Variants in ABCA12 observed in about 807,000 individuals in gnomAD.
ABCA12 encodes the protein ATP binding cassette subfamily A member 12, also known as glucosylceramide transporter ABCA12.
Under a neutral mutation model 293.5 loss-of-function variants are expected in ABCA12, and 156 were observed. The observed-to-expected ratio is 0.53, with a 90% CI of 0.47 to 0.61. The LOEUF is 0.61. ABCA12 is among the 20% of genes least tolerant of loss of function. The probability of loss-of-function intolerance (pLI) is 0.00; values close to 1 mark genes in which losing one functional copy is unlikely to be tolerated. For synonymous variants in ABCA12, 1,063 were observed against 1,108.0 expected (o/e 0.96, Z 0.81); for missense variants, 2,797 against 3,090.2 (o/e 0.91, Z 2.25).
chr2:215,026,993 C>T lies in ABCA12; in HGVS notation c.1062-55G>A, dbSNP rs1700760780. The T allele has an allele frequency of 3.8e-6, 5 of 1,305,476 alleles. No individual in the cohort carries two copies. The Admixed American group carries it at 5.1e-5, about 13-fold the overall frequency. 80.9% of individuals were successfully genotyped at this position (1,305,476 alleles called of 1,614,324 possible). A position where few individuals can be genotyped will look rare whatever the true frequency, so the allele number is the denominator to read the frequency against. Reference sequence around the variant, plus strand: ...AAGACATATAAAAGTAAAGCAAAGCCGTTTTGTTGAGATCATTTTGGTCCC... The same window carrying T: ...AAGACATATAAAAGTAAAGCAAAGCTGTTTTGTTGAGATCATTTTGGTCCC... On this transcript the variant is annotated intron_variant, in intron 9 of 52. Transcript: ENST00000272895.
chr2:215,104,293 A>G (rs1327681765), intron 2 of ABCA12, among the ~76,000 whole-genome samples: 1 of 152,172 alleles, frequency 6.6e-6, no homozygotes, highest in Non-Finnish European at 1.5e-5. Flanking sequence ...GTTTTATTGT[A>G]CTTCAGAGAT....
rs1398052725 is a variant in ABCA12, at chr2:215,026,871, A to G, written c.1129T>C (p.Tyr377His). Residue 377 changes from tyrosine to histidine, a missense_variant, in exon 10 of 53, where the codon TAC (tyrosine) becomes CAC (histidine). By Grantham distance (83) the Tyr-to-His change is moderately conservative (BLOSUM62 2). Transcript: ENST00000272895. ...GTCACATTTCTCACACATGCCAAGT[A>G]AGGAATATAAGGACTATTTGCTGAT... is the stretch of plus-strand genomic sequence containing the variant. Reference protein sequence around the residue: ...NISANSPYIPYLACVRNVTDS... With the variant: ...NISANSPYIPHLACVRNVTDS... 1.9e-6 allele frequency: 3 copies of G among 1,613,808 alleles called. No individual in the cohort carries two copies. The highest frequency in any genetic ancestry group is 4.5e-5 in the East Asian group (2 of 44,856).
At chr2:214,957,010 T>C (rs547374328) in intron 41 of ABCA12, among the ~76,000 whole-genome samples, 12 of 152,228 alleles carry the variant, frequency 7.9e-5, no homozygotes, top group Non-Finnish European at 1.8e-4. Flanking sequence ...CTTTAACAGA[T>C]ATACAAGGAG....
chr2:215,015,207 C>T (rs1700465049), intron 15 of ABCA12, among the ~76,000 whole-genome samples: 1 of 151,772 alleles, frequency 6.6e-6, no homozygotes, highest in African/African-American at 2.4e-5. Context: ...TTTTGAAATA[C>T]AACATTTGTA....
chr2:215,031,861 C>A lies in ABCA12; in HGVS notation c.1021G>T (p.Asp341Tyr), dbSNP rs1342817633. The change falls in exon 9 of 53, where the codon GAT becomes TAT. Residue 341 changes from aspartate to tyrosine, a missense_variant. By Grantham distance (160) the Asp-to-Tyr change is radical (BLOSUM62 -3). This residue lies in a region of ABCA12 where 656 missense variants were observed against 638.2 expected (regional missense o/e 1.03). Coordinates refer to ENST00000272895, the MANE Select transcript of ABCA12 (RefSeq NM_173076.3). The stretch of plus-strand genomic sequence containing the variant: ...CTTGGAGATAAGGTCTGTCCATCAT[C>A]CTCATTCCACACATGCGTTATATTA... ...SDNITHVWNE[D>Y]DGQTLSPSSL... The A allele has an allele frequency of 6.2e-7, 1 of 1,614,000 alleles. No homozygotes were observed. The highest frequency in any genetic ancestry group is 1.7e-5 in the Admixed American group (1 of 60,024).
In ABCA12 at chr2:214,980,553, C is replaced by T. The variant is rs1230288881; in HGVS notation, c.4670G>A (p.Cys1557Tyr). ...CTTGAGGTAAAATGGGGACCCACAG[C>T]ACCTAAGCCCACCCTGCTCCAGGAA... is the stretch of plus-strand genomic sequence containing the variant. ...IAFLEQGGLRCCGSPFYLKEA... is the reference protein window; with the variant it reads ...IAFLEQGGLRYCGSPFYLKEA... Residue 1557 changes from cysteine (C) to tyrosine (Y), a missense_variant, in exon 31 of 53, where the codon TGC (cysteine) becomes TAC (tyrosine). Cys to Tyr is a radical substitution (Grantham distance 194). Around this residue, in one of 3 missense-constraint regions of ABCA12, gnomAD observed 2,130 missense variants for 2,427.0 expected, o/e 0.88. Coordinates refer to ENST00000272895, the MANE Select transcript of ABCA12 (RefSeq NM_173076.3). 3 of 1,613,912 alleles carry T rather than the reference C, an allele frequency of 1.9e-6. No individual in the cohort carries two copies. Among genetic ancestry groups the T allele is most frequent in the African/African-American group, 1.3e-5 (1 of 74,890 alleles).
At chr2:215,125,357 G>A (rs1374178810) in intron 1 of ABCA12, among the ~76,000 whole-genome samples, 2 of 152,016 alleles carry the variant, frequency 1.3e-5, no homozygotes, top group Non-Finnish European at 2.9e-5. Context: ...ATTTTGATGG[G>A]TATTGCATTG....
Position 215,015,595 on chromosome 2 carries a change from T to G in ABCA12, c.1851A>C (p.Ala617=), listed in dbSNP as rs1391108571. 1.2e-6 allele frequency: 2 copies of G among 1,614,038 alleles called. No individual in the cohort carries two copies. Among genetic ancestry groups the G allele is most frequent in the Middle Eastern group, 1.7e-4 (1 of 6,060 alleles). ...TNITTPKLED[A]MKEFCNLSLS... is the part of the protein sequence containing the mutation. ...GAGACAGGTTGCAGAATTCTTTCAT[T>G]GCATCTTCTAGTTTGGGAGTGGTGA... The change falls in exon 15 of 53, where the codon GCA becomes GCC. Residue 617 remains alanine (A), a synonymous_variant. Transcript: ENST00000272895.
At chr2:215,130,409 A>G (rs146884277) in intron 1 of ABCA12, among the ~76,000 whole-genome samples, 174 of 152,236 alleles carry the variant, frequency 1.1e-3, no homozygotes, top group African/African-American at 4.1e-3. Flanking sequence ...AAATTAAAGC[A>G]TCACTGTTTT....
chr2:215,042,022 A>G (rs912747368), intron 7 of ABCA12, among the ~76,000 whole-genome samples: 1 of 152,212 alleles, frequency 6.6e-6, no homozygotes, highest in Non-Finnish European at 1.5e-5. Context: ...GGGTCTGATT[A>G]GAAAGGGAAA....
intron 23 of ABCA12, among the ~76,000 whole-genome samples, chr2:214,994,911 ATACATGACT>A (rs1700002657): frequency 6.6e-6 from 1 of 152,216 alleles, no homozygotes; most frequent in South Asian, 2.1e-4. Flanking sequence ...TGAAAGTCCC[ATACATGACT>A]TACATTAGAT....
intron 2 of ABCA12, among the ~76,000 whole-genome samples, chr2:215,065,615 G>C (rs1341769948): frequency 6.6e-6 from 1 of 151,992 alleles, no homozygotes. Flanking sequence ...GGCGGAAAAA[G>C]CTGCAAGTCA....
intron 2 of ABCA12, among the ~76,000 whole-genome samples, chr2:215,093,066 C>T (rs1278648668): frequency 6.6e-6 from 1 of 152,174 alleles, no homozygotes; most frequent in African/African-American, 2.4e-5. Context: ...TTTATAGCCC[C>T]TCCTACAAAT....
intron 23 of ABCA12, among the ~76,000 whole-genome samples, chr2:214,994,957 C>T (rs1405666567): frequency 6.6e-6 from 1 of 152,016 alleles, no homozygotes; most frequent in Non-Finnish European, 1.5e-5. Context: ...ACTCATAAAC[C>T]ATGAAAATAA....
intron 2 of ABCA12, among the ~76,000 whole-genome samples, chr2:215,079,061 A>G (rs1449253426): frequency 2.0e-5 from 3 of 152,136 alleles, no homozygotes; most frequent in Non-Finnish European, 4.4e-5. Flanking sequence ...TCTGTGTCTC[A>G]GGCAGACAGA....
At position 214,959,015 on chromosome 2, in the gene ABCA12, T is replaced by C; in HGVS notation, c.5939+9A>G. 6.2e-7 allele frequency: 1 copy of C among 1,613,340 alleles called. No individual in the cohort carries two copies. Among genetic ancestry groups the C allele is most frequent in the Non-Finnish European group, 8.5e-7 (1 of 1,179,320 alleles). On this transcript the variant is annotated intron_variant, in intron 40 of 52. Coordinates refer to ENST00000272895, the MANE Select transcript of ABCA12 (RefSeq NM_173076.3). ...GGAGAAAGTAGTCATGCTAGAGATATCTGCTTACGTGGCTTGTTCTTGGTC... is the reference window on the plus strand; with the variant it reads ...GGAGAAAGTAGTCATGCTAGAGATACCTGCTTACGTGGCTTGTTCTTGGTC...
chr2:214,997,845 CAAA>C, intron 22 of ABCA12, 36 bp from the exon 23 acceptor site: 1 of 1,194,434 alleles, frequency 8.4e-7, no homozygotes, highest in Non-Finnish European at 1.3e-6. Context: ...ATTCAGCGAC[CAAA>C]ATGAACACCA....
At chr2:215,052,207 A>G (rs1447719183) in intron 5 of ABCA12, among the ~76,000 whole-genome samples, 3 of 152,134 alleles carry the variant, frequency 2.0e-5, no homozygotes, top group Non-Finnish European at 4.4e-5. Context: ...GAAAATTAAA[A>G]CATCACATAT....
chr2:214,997,329 G>A (rs1477267132), intron 23 of ABCA12, among the ~76,000 whole-genome samples: 1 of 152,102 alleles, frequency 6.6e-6, no homozygotes, highest in Non-Finnish European at 1.5e-5. Context: ...GGTTATTTTA[G>A]TTACCATGCC....
Sources: gnomAD v4.1 joint callset for allele counts (sites outside exome capture counted in the v4.1 genomes callset) on GRCh38, gnomAD v4.1.1 for gene constraint, gnomAD v4.1.1 regional missense constraint, MANE v1.5 for transcripts, NCBI Gene and HGNC (gene_info 2026-07-23, HGNC 2026-07-21) for gene names.